CNTNAP2: variants seen among roughly 807,000 people sequenced by gnomAD.
The protein encoded by CNTNAP2 is contactin associated protein 2.
A neutral mutation model predicts 155.2 loss-of-function variants in CNTNAP2; 98 were observed. The ratio of observed to expected loss-of-function variants is 0.63; its 90% CI spans 0.54 to 0.75. The LOEUF is 0.75. Ranked by LOEUF, CNTNAP2 falls within the 30% of genes least tolerant of loss-of-function variation. CNTNAP2 has a pLI of 0.00. For synonymous variants in CNTNAP2, 651 were observed against 631.2 expected (o/e 1.03, Z -0.47); for missense variants, 1,727 against 1,688.1 (o/e 1.02, Z -0.40).
intron 15 of CNTNAP2, among the ~76,000 whole-genome samples, chr7:148,027,045 C>A (rs1403197226): frequency 6.6e-6 from 1 of 152,150 alleles, no homozygotes; most frequent in Non-Finnish European, 1.5e-5. Flanking sequence ...ACCTAAGGGA[C>A]TTTGGACCAA....
At chr7:147,899,445 C>A (rs1799827717) in intron 13 of CNTNAP2, among the ~76,000 whole-genome samples, 1 of 152,116 alleles carries the variant, frequency 6.6e-6, no homozygotes, top group South Asian at 2.1e-4. Flanking sequence ...GGCATAAAAG[C>A]TTCAGTTAAA....
chr7:146,640,989 C>G (rs1287264951), intron 1 of CNTNAP2, among the ~76,000 whole-genome samples: 2 of 152,206 alleles, frequency 1.3e-5, no homozygotes, highest in Non-Finnish European at 2.9e-5. Flanking sequence ...AAAAGCCTAA[C>G]AAGAAATAAG....
At chr7:148,005,261 G>C (rs754625768) in intron 15 of CNTNAP2, among the ~76,000 whole-genome samples, 1 of 152,016 alleles carries the variant, frequency 6.6e-6, no homozygotes, top group African/African-American at 2.4e-5. Context: ...GCTCGTTAGG[G>C]CCCCTTTTTA....
At chr7:148,112,095 G>T (rs1397873401) in intron 15 of CNTNAP2, among the ~76,000 whole-genome samples, 2 of 152,156 alleles carry the variant, frequency 1.3e-5, no homozygotes. Flanking sequence ...GCCTCCAGGG[G>T]ACAAAAACGT....
chr7:147,335,227 T>C (rs1319402287), intron 9 of CNTNAP2, among the ~76,000 whole-genome samples: 2 of 152,214 alleles, frequency 1.3e-5, no homozygotes, highest in African/African-American at 2.4e-5. Context: ...CAAGGACTCA[T>C]GCTGAGTTAA....
chr7:146,181,799 T>C (rs1278776939), intron 1 of CNTNAP2, among the ~76,000 whole-genome samples: 3 of 152,112 alleles, frequency 2.0e-5, no homozygotes, highest in African/African-American at 7.2e-5. Context: ...AAAAATAAAA[T>C]ATAATAAAAT....
At chr7:147,802,381 G>A (rs1314134359) in intron 13 of CNTNAP2, among the ~76,000 whole-genome samples, 1 of 151,986 alleles carries the variant, frequency 6.6e-6, no homozygotes, top group Non-Finnish European at 1.5e-5. Context: ...GGTGGCGGCC[G>A]GGCAGAGGCT....
At chr7:146,554,763 A>T (rs1169873862) in intron 1 of CNTNAP2, among the ~76,000 whole-genome samples, 1 of 152,242 alleles carries the variant, frequency 6.6e-6, no homozygotes, top group Non-Finnish European at 1.5e-5. Context: ...ACAGCTGCCC[A>T]GGCAGGTGGT....
intron 1 of CNTNAP2, among the ~76,000 whole-genome samples, chr7:146,568,503 C>G (rs749729790): frequency 3.9e-5 from 6 of 152,140 alleles, no homozygotes; most frequent in Non-Finnish European, 7.4e-5. Flanking sequence ...TTTAAAAACA[C>G]TTTTTCATAA....
chr7:147,465,505 C>G (rs1238755978), intron 10 of CNTNAP2, among the ~76,000 whole-genome samples: 2 of 152,098 alleles, frequency 1.3e-5, no homozygotes, highest in Non-Finnish European at 2.9e-5. Flanking sequence ...AAATTGTGTT[C>G]TCATAGGGAG....
rs10264048 is a variant in CNTNAP2 at position 146,937,391 on chromosome 7, A to G, written c.402+97487A>G. The stretch of plus-strand genomic sequence containing the variant: ...AAATAAAATAAAATAAAATAAATAA[A>G]AGCGAAAACCGACTGTTAATACTTG... On this transcript the variant is annotated intron_variant, in intron 3 of 23. Coordinates refer to ENST00000361727, the MANE Select transcript of CNTNAP2 (RefSeq NM_014141.6). Among the ~76,000 whole-genome samples the G allele has an allele frequency of 3.7e-3, 560 of 151,788 alleles. 3 individuals are homozygous for G. The highest frequency in any genetic ancestry group is 0.012 in the African/African-American group (516 of 41,452).
intron 13 of CNTNAP2, among the ~76,000 whole-genome samples, chr7:147,682,269 A>G (rs145495982): frequency 0.016 from 2,494 of 152,014 alleles, 223 homozygotes; most frequent in Admixed American, 0.15. Flanking sequence ...TAAGATTAAT[A>G]AACTGCTAAT....
chr7:147,925,126 G>A (rs1800362396), intron 14 of CNTNAP2, among the ~76,000 whole-genome samples: 1 of 77,416 alleles, frequency 1.3e-5, no homozygotes, highest in Non-Finnish European at 2.4e-5. Context: ...CAGAAAGAGA[G>A]AAAGAGAGAA....
At chr7:147,669,884 A>T (rs1191382085) in intron 13 of CNTNAP2, among the ~76,000 whole-genome samples, 1 of 152,148 alleles carries the variant, frequency 6.6e-6, no homozygotes, top group Non-Finnish European at 1.5e-5. Context: ...TCCTAAGCAC[A>T]AACATTTCAC....
rs527368249 is a variant in CNTNAP2, at chr7:146,851,463, T to C, written c.402+11559T>C. Among the ~76,000 whole-genome samples, 81 of 152,150 alleles carry C rather than the reference T, an allele frequency of 5.3e-4. 6 individuals are homozygous for C. The South Asian group carries it at 0.016, about 30-fold the overall frequency. Reference sequence around the variant, plus strand: ...CTAGGGCTGCCATCATAAAGTACCATAAACTGGGTGGCTCAAACAACAGAA... The same window carrying C: ...CTAGGGCTGCCATCATAAAGTACCACAAACTGGGTGGCTCAAACAACAGAA... On this transcript the variant is annotated intron_variant, in intron 3 of 23. Transcript: ENST00000361727.
intron 1 of CNTNAP2, among the ~76,000 whole-genome samples, chr7:146,438,000 C>A (rs952066837): frequency 4.6e-5 from 7 of 151,260 alleles, no homozygotes; most frequent in Non-Finnish European, 8.8e-5. Context: ...TGTTATGGAA[C>A]AGAACATCAT....
At chr7:147,812,170 G>A (rs1467021342) in intron 13 of CNTNAP2, among the ~76,000 whole-genome samples, 2 of 152,062 alleles carry the variant, frequency 1.3e-5, no homozygotes, top group Non-Finnish European at 1.5e-5. Flanking sequence ...ATTCAGATAG[G>A]GAGAGCGGCC....
chr7:146,990,515 A>G (rs1798191146), intron 3 of CNTNAP2, among the ~76,000 whole-genome samples: 1 of 151,990 alleles, frequency 6.6e-6, no homozygotes, highest in African/African-American at 2.4e-5. Flanking sequence ...TGGTTTTAAG[A>G]TTGTTTCATT....
intron 1 of CNTNAP2, among the ~76,000 whole-genome samples, chr7:146,508,033 G>A (rs1048721430): frequency 6.6e-6 from 1 of 152,192 alleles, no homozygotes; most frequent in African/African-American, 2.4e-5. Context: ...TGCATGTGAA[G>A]GGGGTGTTAC....
Sources: allele counts gnomAD v4.1 joint callset (sites outside exome capture counted in the v4.1 genomes callset), GRCh38; gene constraint gnomAD v4.1.1; transcripts MANE v1.5; gene names NCBI Gene and HGNC (gene_info 2026-07-23, HGNC 2026-07-21).